ZNF780B: variants seen among roughly 807,000 people sequenced by gnomAD.
ZNF780B encodes the protein zinc finger protein 779.
ZNF780B carries 52 observed loss-of-function variants against 74.1 expected under a neutral mutation model. The ratio of observed to expected loss-of-function variants is 0.70; its 90% CI spans 0.56 to 0.88. The LOEUF is 0.88. Ranked by LOEUF, ZNF780B falls within the 40% of genes least tolerant of loss-of-function variation. The probability of loss-of-function intolerance (pLI) is 0.00; values close to 1 mark genes in which losing one functional copy is unlikely to be tolerated. For missense variants in ZNF780B, 953 were observed against 1,007.6 expected (o/e 0.95, Z 0.73); for synonymous variants, 315 against 324.3 (o/e 0.97, Z 0.31).
rs115484124 is a variant in ZNF780B, at chr19:40,034,905, G to A, written c.1954C>T (p.Arg652Cys). The change falls in exon 5 of 5, where the codon CGT becomes TGT. Residue 652 changes from arginine to cysteine, a missense_variant. Physicochemically the swap from Arg to Cys is radical, Grantham distance 180 (BLOSUM62 -3). Coordinates refer to ENST00000434248, the MANE Select transcript of ZNF780B (RefSeq NM_001005851.3). ...TGATGTTGAACAAGGTTTGAGACACGATTAAAGGACTTCCCACATTCTTTA... is the reference window on the plus strand; with the variant it reads ...TGATGTTGAACAAGGTTTGAGACACAATTAAAGGACTTCCCACATTCTTTA... ...KCKECGKSFN[R>C]VSNLVQHQSI... 0.011 allele frequency: 17,849 copies of A among 1,613,900 alleles called. 340 individuals are homozygous for A. Among genetic ancestry groups the A allele is most frequent in the African/African-American group, 0.061 (4,587 of 74,938 alleles).
Position 40,034,194 on chromosome 19 carries a change from C to T in ZNF780B, c.*163G>A, listed in dbSNP as rs1972116788. On this transcript the variant is annotated 3_prime_UTR_variant, in exon 5 of 5. Transcript: ENST00000434248. Reference sequence around the variant, plus strand: ...TTCTTCACATTGATATGGTTTCTCACCAGTATGAATTCTCTGATGTACTCT... The same window carrying T: ...TTCTTCACATTGATATGGTTTCTCATCAGTATGAATTCTCTGATGTACTCT... 2.9e-6 allele frequency: 2 copies of T among 694,896 alleles called. No individual in the cohort carries two copies. Among genetic ancestry groups the T allele is most frequent in the East Asian group, 2.6e-5 (1 of 38,810 alleles). The allele number at this position is 694,896 out of a possible 1,614,324, so 43.0% of individuals were successfully genotyped here.
rs775099168 is a variant in ZNF780B, at chr19:40,036,084, TAA to T, written c.773_774del (p.Phe258Ter). ...TGCTGAGTAAGGTTTGAGCTACGAT[TAA>T]AAGACTTCCCACATTCCTTACATTC... ...LFECKECGKS[F>X]NRSSNLTQHQ... On this transcript the variant is annotated frameshift_variant, in exon 5 of 5. Transcript: ENST00000434248. LOFTEE classifies it high-confidence loss of function. 20 of 1,613,170 alleles carry T rather than the reference TAA, an allele frequency of 1.2e-5. No individual in the cohort carries two copies. In the South Asian group the frequency reaches 2.2e-4, roughly 18 times the overall value.
chr19:40,036,715 A>C, intron 4 of ZNF780B, 89 bp from the exon 5 acceptor site: 1 of 779,594 alleles, frequency 1.3e-6, no homozygotes, highest in Non-Finnish European at 2.0e-6. Context: ...TAAGTATAAA[A>C]TATAATACTT....
intron 4 of ZNF780B, among the ~76,000 whole-genome samples, chr19:40,043,833 C>T (rs1942485984): frequency 6.6e-6 from 1 of 152,242 alleles, no homozygotes; most frequent in African/African-American, 2.4e-5. Context: ...GGAAAGGGAA[C>T]TCCCTGACCC....
chr19:40,044,484 G>A (rs1972838208), intron 4 of ZNF780B, among the ~76,000 whole-genome samples: 1 of 152,044 alleles, frequency 6.6e-6, no homozygotes, highest in Non-Finnish European at 1.5e-5. Context: ...ATTCAGTGTT[G>A]AAAGAAAAAA....
In ZNF780B at chr19:40,036,628, T is replaced by C; in HGVS notation, c.233-2A>G. Reference sequence around the variant, plus strand: ...CAGGTCCATATTTTGACTCCAAATCTGAAAGAAATGAAGAAGGCAAACCTA... The same window carrying C: ...CAGGTCCATATTTTGACTCCAAATCCGAAAGAAATGAAGAAGGCAAACCTA... On this transcript the variant is annotated splice_acceptor_variant, in intron 4 of 4. Coordinates refer to ENST00000434248, the MANE Select transcript of ZNF780B (RefSeq NM_001005851.3). LOFTEE classifies it high-confidence loss of function. 1.3e-6 allele frequency: 2 copies of C among 1,504,790 alleles called. No individual in the cohort carries two copies. The highest frequency in any genetic ancestry group is 1.8e-6 in the Non-Finnish European group (2 of 1,126,506). The allele number at this position is 1,504,790 out of a possible 1,614,324, so 93.2% of individuals were successfully genotyped here. A position where few individuals can be genotyped will look rare whatever the true frequency, so the allele number is the denominator to read the frequency against.
intron 4 of ZNF780B, among the ~76,000 whole-genome samples, chr19:40,045,967 G>A (rs184973844): frequency 5.3e-5 from 8 of 152,148 alleles, no homozygotes; most frequent in Admixed American, 2.6e-4. Context: ...CAGCCTGGGC[G>A]ACAAGAATGA....
chr19:40,044,243 A>T (rs1972822579), intron 4 of ZNF780B, among the ~76,000 whole-genome samples: 1 of 152,232 alleles, frequency 6.6e-6, no homozygotes, highest in African/African-American at 2.4e-5. Context: ...AAACTTTCCA[A>T]CTCTAGTAAG....
At chr19:40,038,731 T>A (rs1174415657) in intron 4 of ZNF780B, among the ~76,000 whole-genome samples, 1 of 152,250 alleles carries the variant, frequency 6.6e-6, no homozygotes, top group Non-Finnish European at 1.5e-5. Context: ...AAGCGTCTGT[T>A]CACATCCTTC....
chr19:40,055,405 C>T (rs1973448665), intron 1 of ZNF780B: 1 of 152,244 alleles, frequency 6.6e-6, no homozygotes, highest in East Asian at 1.9e-4. Context: ...AAATACAAAG[C>T]ACAAACTCAC....
chr19:40,038,364 G>A (rs1269546420), intron 4 of ZNF780B, among the ~76,000 whole-genome samples: 9 of 151,582 alleles, frequency 5.9e-5, no homozygotes, highest in South Asian at 4.2e-4. Context: ...GAATAGTGCC[G>A]CAATAAACAT....
Position 40,034,009 on chromosome 19 carries a change from C to A in ZNF780B, c.*348G>T. The A allele has an allele frequency of 3.3e-6, 1 of 303,412 alleles. No homozygotes were observed. Among genetic ancestry groups the A allele is most frequent in the Non-Finnish European group, 6.3e-6 (1 of 157,718 alleles). 18.8% of individuals were successfully genotyped at this position (303,412 alleles called of 1,614,324 possible). A position where few individuals can be genotyped will look rare whatever the true frequency, so the allele number is the denominator to read the frequency against. Reference sequence around the variant, plus strand: ...ATCCAAAAGTTTTCCACATTCTTTACACTCACAGGGTTTCTCAGCAGTACG... The same window carrying A: ...ATCCAAAAGTTTTCCACATTCTTTAAACTCACAGGGTTTCTCAGCAGTACG... On this transcript the variant is annotated 3_prime_UTR_variant, in exon 5 of 5. Coordinates refer to ENST00000434248, the MANE Select transcript of ZNF780B (RefSeq NM_001005851.3).
chr19:40,033,014 G>C lies in ZNF780B; in HGVS notation c.*1343C>G, dbSNP rs573373350. On this transcript the variant is annotated 3_prime_UTR_variant, in exon 5 of 5. Transcript: ENST00000434248. ...CAAATTGTTAACAATTTTGAATCTA[G>C]GTGGGGGGGATATGTGTATATATTT... 6.6e-6 allele frequency: 1 copy of C among 152,328 alleles called. No homozygotes were observed. The highest frequency in any genetic ancestry group is 2.4e-5 in the African/African-American group (1 of 41,400). 9.4% of individuals were successfully genotyped at this position (152,328 alleles called of 1,614,324 possible). A position where few individuals can be genotyped will look rare whatever the true frequency, so the allele number is the denominator to read the frequency against.
chr19:40,036,415 T>A lies in ZNF780B; in HGVS notation c.444A>T (p.Glu148Asp). The A allele has an allele frequency of 6.2e-7, 1 of 1,608,928 alleles. No individual in the cohort carries two copies. The highest frequency in any genetic ancestry group is 8.5e-7 in the Non-Finnish European group (1 of 1,178,398). ...GAGAAGCATGAGTATAAGCAGGCAT[T>A]TCTTCATAGCTGATGATCTTCTGGT... The part of the protein sequence containing the change: ...YINQKIISYE[E>D]MPAYTHASPI... Residue 148 changes from glutamate (E) to aspartate (D), a missense_variant, in exon 5 of 5, where the codon GAA (glutamate) becomes GAT (aspartate). By Grantham distance (45) the Glu-to-Asp change is conservative. Coordinates refer to ENST00000434248, the MANE Select transcript of ZNF780B (RefSeq NM_001005851.3).
At chr19:40,039,007 AT>A (rs1437590571) in intron 4 of ZNF780B, among the ~76,000 whole-genome samples, 3 of 152,200 alleles carry the variant, frequency 2.0e-5, no homozygotes, top group African/African-American at 7.2e-5. Context: ...CCTGAATGGT[AT>A]TGCCCAGGTT....
rs1004683530 is a variant in ZNF780B at position 40,038,618 on chromosome 19, G to A, written c.233-1992C>T. On this transcript the variant is annotated intron_variant, in intron 4 of 4. Coordinates refer to ENST00000434248, the MANE Select transcript of ZNF780B (RefSeq NM_001005851.3). ...TAATGATCGCCATTCTAACTGGTGT[G>A]AGATGGTATCTCATTGTGGTTTTGA... Among the ~76,000 whole-genome samples the A allele has an allele frequency of 2.5e-4, 38 of 150,858 alleles. No homozygotes were observed. The South Asian group carries it at 8.0e-3, about 32-fold the overall frequency.
rs1354954375 is a variant in ZNF780B at position 40,029,500 on chromosome 19, CAA to C, written c.*4855_*4856del. 2.6e-5 allele frequency: 4 copies of C among 154,760 alleles called. No homozygotes were observed. Among genetic ancestry groups the C allele is most frequent in the African/African-American group, 7.2e-5 (3 of 41,500 alleles). 9.6% of individuals were successfully genotyped at this position (154,760 alleles called of 1,614,324 possible). Reference sequence around the variant, plus strand: ...AATTCAATAAAATACCAAATGCAAACAAGAGCAGATCATAGAAATGTAAGTTG... The same window carrying C: ...AATTCAATAAAATACCAAATGCAAACGAGCAGATCATAGAAATGTAAGTTG... On this transcript the variant is annotated 3_prime_UTR_variant, in exon 5 of 5. Coordinates refer to ENST00000434248, the MANE Select transcript of ZNF780B (RefSeq NM_001005851.3).
chr19:40,052,630 G>T (rs1401040549), intron 1 of ZNF780B, among the ~76,000 whole-genome samples: 1 of 151,196 alleles, frequency 6.6e-6, no homozygotes, highest in Non-Finnish European at 1.5e-5. Context: ...AATAGCCAAA[G>T]CAGTCTGGAG....
At chr19:40,044,131 T>C (rs1490737713) in intron 4 of ZNF780B, among the ~76,000 whole-genome samples, 1 of 152,154 alleles carries the variant, frequency 6.6e-6, no homozygotes, top group African/African-American at 2.4e-5. Flanking sequence ...CACCGTAACA[T>C]ATGGGACATC....
Sources: gnomAD v4.1 joint callset for allele counts (sites outside exome capture counted in the v4.1 genomes callset) on GRCh38, gnomAD v4.1.1 for gene constraint, MANE v1.5 for transcripts, NCBI Gene and HGNC (gene_info 2026-07-23, HGNC 2026-07-21) for gene names.